GRIK2: variants seen among roughly 807,000 people sequenced by gnomAD.
The protein encoded by GRIK2 is glutamate receptor ionotropic, kainate 2.
In GRIK2, 32 loss-of-function variants were observed where a neutral mutation model predicts 100.3. The ratio of observed to expected loss-of-function variants is 0.32; its 90% CI spans 0.24 to 0.43. GRIK2 has a LOEUF of 0.43. GRIK2 is among the 20% of genes least tolerant of loss of function. GRIK2 has a pLI of 1.00. For synonymous variants in GRIK2, 417 were observed against 389.4 expected, an observed-to-expected ratio of 1.07 and a Z score of -0.83; for missense variants, 843 against 1,114.9, an observed-to-expected ratio of 0.76 and a Z score of 3.47.
At chr6:101,398,477 A>T (rs1471857860) in intron 1 of GRIK2, among the ~76,000 whole-genome samples, 1 of 152,240 alleles carries the variant, frequency 6.6e-6, no homozygotes, top group African/African-American at 2.4e-5. Flanking sequence ...TCAAAATAAA[A>T]GTATAAATAA....
intron 2 of GRIK2, among the ~76,000 whole-genome samples, chr6:101,457,323 T>C (rs955172605): frequency 1.3e-5 from 2 of 152,136 alleles, no homozygotes; most frequent in African/African-American, 4.8e-5. Context: ...TCTCTTGAGG[T>C]CACTTATTGA....
chr6:102,025,566 C>T (rs1769650655), intron 14 of GRIK2, among the ~76,000 whole-genome samples: 1 of 151,122 alleles, frequency 6.6e-6, no homozygotes, highest in South Asian at 2.1e-4. Flanking sequence ...AAATGCATTC[C>T]AGCTAGAGAA....
At chr6:102,034,973 A>G (rs995640) in intron 14 of GRIK2, among the ~76,000 whole-genome samples, 53,330 of 151,016 alleles carry the variant, frequency 0.35, 9,963 homozygotes, top group African/African-American at 0.49. Flanking sequence ...GTAAAGAAAT[A>G]TTGACAAATA....
chr6:102,047,243 A>G (rs958017165), intron 15 of GRIK2, among the ~76,000 whole-genome samples: 30 of 152,014 alleles, frequency 2.0e-4, no homozygotes, highest in African/African-American at 7.0e-4. Flanking sequence ...TAGAAAAACC[A>G]TAGGAAAAAA....
At chr6:101,677,677 C>T (rs1407804207) in intron 5 of GRIK2, among the ~76,000 whole-genome samples, 1 of 152,096 alleles carries the variant, frequency 6.6e-6, no homozygotes, top group African/African-American at 2.4e-5. Context: ...CTCTTTTATG[C>T]ACACTGAGCT....
intron 2 of GRIK2, among the ~76,000 whole-genome samples, chr6:101,529,883 ATTAACAATTGATTAAAGTATTGCC>A (rs1044013740): frequency 6.6e-6 from 1 of 152,102 alleles, no homozygotes; most frequent in Admixed American, 6.6e-5. Context: ...ATTCATTTTT[ATTAACAATTGATTAAAGTATTGCC>A]TTTTGTTGTC....
chr6:102,051,369 T>A (rs1252542154), intron 15 of GRIK2, among the ~76,000 whole-genome samples: 1 of 150,640 alleles, frequency 6.6e-6, no homozygotes, highest in Non-Finnish European at 1.5e-5. Context: ...TTTGGCAACT[T>A]GTAAAAAGAT....
intron 7 of GRIK2, among the ~76,000 whole-genome samples, chr6:101,715,758 C>T (rs532865383): frequency 2.0e-5 from 3 of 151,756 alleles, no homozygotes; most frequent in East Asian, 1.9e-4. Flanking sequence ...AATAAATGAC[C>T]GTGATTTAAT....
chr6:101,833,218 G>A (rs1275053650), intron 10 of GRIK2, among the ~76,000 whole-genome samples: 3 of 151,682 alleles, frequency 2.0e-5, no homozygotes, highest in African/African-American at 2.4e-5. Context: ...CTTGTTTTTC[G>A]TTGTTGTTGT....
intron 14 of GRIK2, among the ~76,000 whole-genome samples, chr6:101,966,152 T>G (rs920933139): frequency 6.6e-6 from 1 of 152,144 alleles, no homozygotes; most frequent in African/African-American, 2.4e-5. Context: ...AGAATGTATA[T>G]TTTACATGGC....
At chr6:101,987,693 A>C (rs1172196172) in intron 14 of GRIK2, among the ~76,000 whole-genome samples, 3 of 150,682 alleles carry the variant, frequency 2.0e-5, no homozygotes, top group Non-Finnish European at 3.0e-5. Context: ...AATTTATGGA[A>C]ATTTAAATTT....
chr6:101,552,049 T>C (rs1191785056), intron 2 of GRIK2, among the ~76,000 whole-genome samples: 24 of 151,936 alleles, frequency 1.6e-4, no homozygotes, highest in Admixed American at 1.6e-3. Flanking sequence ...TGGTGTAGAG[T>C]AATTGGGAAT....
intron 4 of GRIK2, among the ~76,000 whole-genome samples, chr6:101,657,662 T>C (rs900688634): frequency 1.3e-5 from 2 of 152,198 alleles, no homozygotes; most frequent in South Asian, 4.1e-4. Context: ...TATATTCCAG[T>C]CTTATGATCT....
intron 4 of GRIK2, among the ~76,000 whole-genome samples, chr6:101,650,817 A>G (rs1197706053): frequency 1.3e-5 from 2 of 152,032 alleles, no homozygotes; most frequent in African/African-American, 4.8e-5. Context: ...AATGGGGCTT[A>G]CAGACCAATT....
At chr6:101,572,944 G>A (rs1299305467) in intron 2 of GRIK2, among the ~76,000 whole-genome samples, 2 of 151,582 alleles carry the variant, frequency 1.3e-5, no homozygotes, top group Non-Finnish European at 2.9e-5. Flanking sequence ...TGCCTCCCAG[G>A]TTCAAGAGGT....
chr6:101,689,327 G>A (rs73510659), intron 7 of GRIK2, among the ~76,000 whole-genome samples: 16,029 of 152,004 alleles, frequency 0.11, 1,084 homozygotes, highest in East Asian at 0.3. Flanking sequence ...AGTGCTTGGA[G>A]CAAGACCTAT....
rs1045071416 is a variant in GRIK2 at position 102,031,063 on chromosome 6, A to G, written c.2086-4278A>G. On this transcript the variant is annotated intron_variant, in intron 14 of 16. Transcript: ENST00000369134. ...TTCTTTTTATATTTCAATAATTACC[A>G]AGTATTATGCATTACACACACACAC... Among the ~76,000 whole-genome samples the G allele has an allele frequency of 3.5e-5, 5 of 142,836 alleles. No homozygotes were observed. In the South Asian group the frequency reaches 1.1e-3, roughly 32 times the overall value. 93.7% of individuals were successfully genotyped at this position (142,836 alleles called of 152,430 possible). A position where few individuals can be genotyped will look rare whatever the true frequency, so the allele number is the denominator to read the frequency against.
At chr6:101,728,492 G>C (rs940016905) in intron 7 of GRIK2, among the ~76,000 whole-genome samples, 1 of 152,018 alleles carries the variant, frequency 6.6e-6, no homozygotes, top group Non-Finnish European at 1.5e-5. Flanking sequence ...TTTAAAAAGA[G>C]AAAATGAAAT....
chr6:101,420,955 C>T (rs1318328419), intron 2 of GRIK2, among the ~76,000 whole-genome samples: 3 of 152,168 alleles, frequency 2.0e-5, no homozygotes, highest in Non-Finnish European at 4.4e-5. Flanking sequence ...CAGGGACTGG[C>T]GTGCAGGAAA....
Sources: allele counts gnomAD v4.1 joint callset (sites outside exome capture counted in the v4.1 genomes callset), GRCh38; gene constraint gnomAD v4.1.1; transcripts MANE v1.5; gene names NCBI Gene and HGNC (gene_info 2026-07-23, HGNC 2026-07-21).